PCDH8: variants seen among roughly 807,000 people sequenced by gnomAD.
The protein encoded by PCDH8 is protocadherin 8.
PCDH8 carries 36 observed loss-of-function variants against 58.2 expected under a neutral mutation model. That is an observed-to-expected ratio of 0.62 (90% confidence interval 0.47 to 0.82). PCDH8 has a LOEUF of 0.82. PCDH8 is among the 40% of genes least tolerant of loss of function. The pLI is 0.00. For missense variants in PCDH8, 1,493 were observed against 1,567.8 expected (o/e 0.95, Z 0.81); for synonymous variants, 775 against 728.9 (o/e 1.06, Z -1.02).
In PCDH8 at chr13:52,847,839, G is replaced by T; in HGVS notation, c.598C>A (p.Leu200Met). Residue 200 changes from leucine (L) to methionine (M), a missense_variant, in exon 1 of 3, where the codon CTG (leucine) becomes ATG (methionine). Physicochemically the swap from Leu to Met is conservative, Grantham distance 15. Coordinates refer to ENST00000377942, the MANE Select transcript of PCDH8 (RefSeq NM_002590.4). ...TGGCTCTCGCGGTCCAGCTCCTGCA[G>T]CAGCACCAGGTCTGCGCACTGAGCG... is the stretch of plus-strand genomic sequence containing the variant. ...DGAQCADLVL[L>M]QELDRESQAA... 6.7e-7 allele frequency: 1 copy of T among 1,499,706 alleles called. No individual in the cohort carries two copies. Among genetic ancestry groups the T allele is most frequent in the Non-Finnish European group, 8.8e-7 (1 of 1,130,450 alleles). 92.9% of individuals were successfully genotyped at this position (1,499,706 alleles called of 1,614,324 possible).
At position 52,846,004 on chromosome 13, in the gene PCDH8, TC is replaced by T. The variant is rs1566264609; in HGVS notation, c.2432del (p.Gly811GlufsTer126). ...CGAACATGTTGGGCCTGGGCCCGGC[TC>T]CCCGGGCGGCCTCCTCCGGGGAGCC... ...APGSPEEAAR[G>X]AGPRPNMFDV... On this transcript the variant is annotated frameshift_variant, in exon 1 of 3. Coordinates refer to ENST00000377942, the MANE Select transcript of PCDH8 (RefSeq NM_002590.4). LOFTEE classifies it high-confidence loss of function. 1 of 1,469,356 alleles carries T rather than the reference TC, an allele frequency of 6.8e-7. No individual in the cohort carries two copies. Among genetic ancestry groups the T allele is most frequent in the South Asian group, 1.4e-5 (1 of 73,978 alleles). The allele number at this position is 1,469,356 out of a possible 1,614,324, so 91.0% of individuals were successfully genotyped here. A position where few individuals can be genotyped will look rare whatever the true frequency, so the allele number is the denominator to read the frequency against.
chr13:52,847,014 G>A lies in PCDH8; in HGVS notation c.1423C>T (p.Pro475Ser). 1.3e-6 allele frequency: 2 copies of A among 1,568,482 alleles called. No individual in the cohort carries two copies. Among genetic ancestry groups the A allele is most frequent in the Non-Finnish European group, 1.7e-6 (2 of 1,161,130 alleles). Residue 475 changes from proline to serine, a missense_variant, in exon 1 of 3, where the codon CCC (proline) becomes TCC (serine). Around this residue, in one of 3 missense-constraint regions of PCDH8, gnomAD observed 1,307 missense variants for 1,362.7 expected, o/e 0.96. Transcript: ENST00000377942. ...LTLVAEDRGA[P>S]PLRTVRPYTV... is the part of the protein sequence containing the mutation. ...TAGGGCCGCACTGTGCGCAGCGGGG[G>A]CGCGCCGCGATCCTCGGCCACCAGC...
At position 52,846,773 on chromosome 13, in the gene PCDH8, T is replaced by C. The variant is rs1291575495; in HGVS notation, c.1664A>G (p.Asp555Gly). ...CGCGTAGATGGCTCCGGTAGCTGGG[T>C]CCACCGAGACATAAGTGGACACGGC... ...GGAVSTYVSV[D>G]PATGAIYALR... Residue 555 changes from aspartate (D) to glycine (G), a missense_variant, in exon 1 of 3, where the codon GAC becomes GGC. Asp to Gly is a moderately conservative substitution (Grantham distance 94). Coordinates refer to ENST00000377942, the MANE Select transcript of PCDH8 (RefSeq NM_002590.4). 13 of 1,570,916 alleles carry C rather than the reference T, an allele frequency of 8.3e-6. No individual in the cohort carries two copies. The African/African-American group carries it at 1.8e-4, about 21-fold the overall frequency.
rs1017907190 is a variant in PCDH8 at position 52,846,001 on chromosome 13, G to C, written c.2436C>G (p.Ala812=). The change falls in exon 1 of 3, where the codon GCC becomes GCG. Residue 812 remains alanine (A), a synonymous_variant. Coordinates refer to ENST00000377942, the MANE Select transcript of PCDH8 (RefSeq NM_002590.4). ...CGTCGAACATGTTGGGCCTGGGCCC[G>C]GCTCCCCGGGCGGCCTCCTCCGGGG... is the stretch of plus-strand genomic sequence containing the variant. The part of the protein sequence containing the change: ...PGSPEEAARG[A]GPRPNMFDVL... The C allele has an allele frequency of 6.8e-7, 1 of 1,467,678 alleles. No homozygotes were observed. The highest frequency in any genetic ancestry group is 8.9e-7 in the Non-Finnish European group (1 of 1,125,124). The allele number at this position is 1,467,678 out of a possible 1,614,324, so 90.9% of individuals were successfully genotyped here.
chr13:52,847,712 C>T lies in PCDH8; in HGVS notation c.725G>A (p.Ser242Asn). The T allele has an allele frequency of 1.3e-6, 2 of 1,537,432 alleles. No homozygotes were observed. The highest frequency in any genetic ancestry group is 1.7e-6 in the Non-Finnish European group (2 of 1,150,538). Reference sequence around the variant, plus strand: ...CACGGCGCCCTGCGGGAAGGCCGGGCTGTGGTCATTCGCATCCAGGACGCG... The same window carrying T: ...CACGGCGCCCTGCGGGAAGGCCGGGTTGTGGTCATTCGCATCCAGGACGCG... ...SVRVLDANDH[S>N]PAFPQGAVAE... Residue 242 changes from serine to asparagine, a missense_variant, in exon 1 of 3, where the codon AGC becomes AAC. Physicochemically the swap from Ser to Asn is conservative, Grantham distance 46. This residue lies in a region of PCDH8 where 1,307 missense variants were observed against 1,362.7 expected (regional missense o/e 0.96). Coordinates refer to ENST00000377942, the MANE Select transcript of PCDH8 (RefSeq NM_002590.4).
In PCDH8 at chr13:52,844,642, A is replaced by C. The variant is rs746599423; in HGVS notation, c.3131T>G (p.Leu1044Arg). Residue 1044 changes from leucine to arginine, a missense_variant, in exon 3 of 3, where the codon CTG (leucine) becomes CGG (arginine). Transcript: ENST00000377942. Reference sequence around the variant, plus strand: ...GTAGAGGGGTACTCCAATCTCCTGCAGGTCTGGGAGCCTCCCTGGACGGGG... The same window carrying C: ...GTAGAGGGGTACTCCAATCTCCTGCCGGTCTGGGAGCCTCCCTGGACGGGG... ...SPPRPGRLPDLQEIGVPLYQS... is the reference protein window; with the variant it reads ...SPPRPGRLPDRQEIGVPLYQS... The C allele has an allele frequency of 6.2e-7, 1 of 1,613,880 alleles. No individual in the cohort carries two copies. Among genetic ancestry groups the C allele is most frequent in the Non-Finnish European group, 8.5e-7 (1 of 1,179,810 alleles).
At position 52,847,980 on chromosome 13, in the gene PCDH8, G is replaced by A. The variant is rs1965772071; in HGVS notation, c.457C>T (p.Arg153Cys). The A allele has an allele frequency of 6.2e-7, 1 of 1,610,002 alleles. No individual in the cohort carries two copies. Among genetic ancestry groups the A allele is most frequent in the South Asian group, 1.1e-5 (1 of 91,022 alleles). Residue 153 changes from arginine to cysteine, a missense_variant, in exon 1 of 3, where the codon CGC becomes TGC. Arg to Cys is a radical substitution (Grantham distance 180). This residue lies in a region of PCDH8 where 1,307 missense variants were observed against 1,362.7 expected (regional missense o/e 0.96). Transcript: ENST00000377942. ...TCCACCGGCACCTCCAAGGGGATGCGCGTGCCCACTGCCGCACCCTCGGAC... is the reference window on the plus strand; with the variant it reads ...TCCACCGGCACCTCCAAGGGGATGCACGTGCCCACTGCCGCACCCTCGGAC... ...EVSEGAAVGT[R>C]IPLEVPVDED...
At position 52,846,357 on chromosome 13, in the gene PCDH8, C is replaced by A; in HGVS notation, c.2080G>T (p.Asp694Tyr). Residue 694 changes from aspartate (D) to tyrosine (Y), a missense_variant, in exon 1 of 3, where the codon GAC becomes TAC. Asp to Tyr is a radical substitution (Grantham distance 160). Transcript: ENST00000377942. ...GTGGTGAGCGGGGGACGGCCGCCGT[C>A]GGATATGACCAGGAGCGCCCTGAAC... ...RVFRALLVIS[D>Y]GGRPPLTTTA... The A allele has an allele frequency of 6.4e-7, 1 of 1,569,522 alleles. No individual in the cohort carries two copies. The highest frequency in any genetic ancestry group is 8.6e-7 in the Non-Finnish European group (1 of 1,159,260).
rs1965773163 is a variant in PCDH8, at chr13:52,848,043, C to T, written c.394G>A (p.Ala132Thr). The T allele has an allele frequency of 2.5e-6, 4 of 1,611,706 alleles. No individual in the cohort carries two copies. Among genetic ancestry groups the T allele is most frequent in the African/African-American group, 1.3e-5 (1 of 74,914 alleles). ...ATCTGGGCCCTGGGGAAGCGCGGCG[C>T]GTGGTCGTTGACGTCCCTCACCTCT... is the stretch of plus-strand genomic sequence containing the variant. ...EVEVRDVNDH[A>T]PRFPRAQIPV... The change falls in exon 1 of 3, where the codon GCG becomes ACG. Residue 132 changes from alanine to threonine, a missense_variant. This residue lies in a region of PCDH8 where 1,307 missense variants were observed against 1,362.7 expected (regional missense o/e 0.96). Transcript: ENST00000377942.
Position 52,848,408 on chromosome 13 carries a change from G to A in PCDH8, c.29C>T (p.Pro10Leu). Residue 10 changes from proline (P) to leucine (L), a missense_variant, in exon 1 of 3, where the codon CCC becomes CTC. Pro to Leu is a moderately conservative substitution (Grantham distance 98). Around this residue, in one of 3 missense-constraint regions of PCDH8, gnomAD observed 1,307 missense variants for 1,362.7 expected, o/e 0.96. Coordinates refer to ENST00000377942, the MANE Select transcript of PCDH8 (RefSeq NM_002590.4). MSPVRRWGS[P>L]CLFPLQLFSL... is the part of the protein sequence containing the mutation. ...GAAGAGCTGCAAGGGGAAAAGGCAGGGGCTGCCCCAACGCCTCACAGGACT... is the reference window on the plus strand; with the variant it reads ...GAAGAGCTGCAAGGGGAAAAGGCAGAGGCTGCCCCAACGCCTCACAGGACT... The A allele has an allele frequency of 6.2e-7, 1 of 1,608,774 alleles. No homozygotes were observed. The highest frequency in any genetic ancestry group is 8.5e-7 in the Non-Finnish European group (1 of 1,179,124).
chr13:52,848,047 G>C lies in PCDH8; in HGVS notation c.390C>G (p.Asp130Glu). ...GGGCCCTGGGGAAGCGCGGCGCGTG[G>C]TCGTTGACGTCCCTCACCTCTACCT... The part of the protein sequence containing the change: ...HVEVEVRDVN[D>E]HAPRFPRAQI... Residue 130 changes from aspartate (D) to glutamate (E), a missense_variant, in exon 1 of 3, where the codon GAC becomes GAG. Transcript: ENST00000377942. 6.2e-7 allele frequency: 1 copy of C among 1,612,042 alleles called. No individual in the cohort carries two copies. Among genetic ancestry groups the C allele is most frequent in the South Asian group, 1.1e-5 (1 of 91,042 alleles).
Position 52,847,384 on chromosome 13 carries a change from T to C in PCDH8, c.1053A>G (p.Ala351=). Residue 351 remains alanine, a synonymous_variant, in exon 1 of 3, where the codon GCA becomes GCG. Transcript: ENST00000377942. The part of the protein sequence containing the change: ...IVRIRDVNDN[A]PDIAITPLAA... ...CCAGCGGGGTGATGGCGATGTCGGG[T>C]GCGTTGTCATTGACGTCTCGGATGC... 2 of 1,539,112 alleles carry C rather than the reference T, an allele frequency of 1.3e-6. No homozygotes were observed. The highest frequency in any genetic ancestry group is 1.7e-6 in the Non-Finnish European group (2 of 1,150,158).
In PCDH8 at chr13:52,846,379, G is replaced by C. The variant is rs1250717970; in HGVS notation, c.2058C>G (p.Phe686Leu). Residue 686 changes from phenylalanine (F) to leucine (L), a missense_variant, in exon 1 of 3, where the codon TTC (phenylalanine) becomes TTG (leucine). Transcript: ENST00000377942. ...DLSQEPPGRV[F>L]RALLVISDGG... Reference sequence around the variant, plus strand: ...CGTCGGATATGACCAGGAGCGCCCTGAACACGCGACCGGGTGGCTCCTGCG... The same window carrying C: ...CGTCGGATATGACCAGGAGCGCCCTCAACACGCGACCGGGTGGCTCCTGCG... 2.1e-5 allele frequency: 34 copies of C among 1,590,050 alleles called. No individual in the cohort carries two copies. Among genetic ancestry groups the C allele is most frequent in the Non-Finnish European group, 2.9e-5 (34 of 1,170,960 alleles).
chr13:52,848,365 G>C lies in PCDH8; in HGVS notation c.72C>G (p.Leu24=), dbSNP rs1188497773. The part of the protein sequence containing the change: ...PLQLFSLCWV[L]SVAQSKTVRY... ...GGACTGTTTTGCTCTGGGCCACTGAGAGCACCCAGCAGAGGCTGAAGAGCT... is the reference window on the plus strand; with the variant it reads ...GGACTGTTTTGCTCTGGGCCACTGACAGCACCCAGCAGAGGCTGAAGAGCT... Residue 24 remains leucine (L), a synonymous_variant, in exon 1 of 3, where the codon CTC becomes CTG. Coordinates refer to ENST00000377942, the MANE Select transcript of PCDH8 (RefSeq NM_002590.4). The C allele has an allele frequency of 1.2e-6, 2 of 1,612,626 alleles. No homozygotes were observed. Among genetic ancestry groups the C allele is most frequent in the Non-Finnish European group, 1.7e-6 (2 of 1,180,040 alleles).
chr13:52,847,248 C>T lies in PCDH8; in HGVS notation c.1189G>A (p.Ala397Thr). 1 of 1,383,810 alleles carries T rather than the reference C, an allele frequency of 7.2e-7. No homozygotes were observed. The highest frequency in any genetic ancestry group is 9.3e-7 in the Non-Finnish European group (1 of 1,075,742). The allele number at this position is 1,383,810 out of a possible 1,614,324, so 85.7% of individuals were successfully genotyped here. A position where few individuals can be genotyped will look rare whatever the true frequency, so the allele number is the denominator to read the frequency against. Reference protein sequence around the residue: ...PAGAGTPEAGATSLVPEGAAR... With the variant: ...PAGAGTPEAGTTSLVPEGAAR... ...GCCCCCTCCGGCACCAGCGAAGTGG[C>T]ACCAGCCTCCGGCGTCCCGGCTCCC... Residue 397 changes from alanine (A) to threonine (T), a missense_variant, in exon 1 of 3, where the codon GCC becomes ACC. Physicochemically the swap from Ala to Thr is moderately conservative, Grantham distance 58. Coordinates refer to ENST00000377942, the MANE Select transcript of PCDH8 (RefSeq NM_002590.4).
intron 1 of PCDH8, 21 bp downstream of exon 1, chr13:52,845,785 C>G: frequency 2.0e-6 from 3 of 1,496,850 alleles, no homozygotes; most frequent in South Asian, 1.3e-5. Flanking sequence ...AGGGGGGCGC[C>G]CAGCCGAAGG....
chr13:52,844,438 G>T lies in PCDH8; in HGVS notation c.*122C>A, dbSNP rs1965697678. The stretch of plus-strand genomic sequence containing the variant: ...AACAGTACCAATGTGATTGGAAATA[G>T]CTTCCAACAACTTCATTGTAAGGCA... On this transcript the variant is annotated 3_prime_UTR_variant, in exon 3 of 3. Transcript: ENST00000377942. 2 of 773,066 alleles carry T rather than the reference G, an allele frequency of 2.6e-6. No individual in the cohort carries two copies. Among genetic ancestry groups the T allele is most frequent in the South Asian group, 2.6e-5 (1 of 38,806 alleles). 47.9% of individuals were successfully genotyped at this position (773,066 alleles called of 1,614,324 possible). A position where few individuals can be genotyped will look rare whatever the true frequency, so the allele number is the denominator to read the frequency against.
At position 52,848,616 on chromosome 13, in the gene PCDH8, C is replaced by A. The variant is rs905304959; in HGVS notation, c.-180G>T. 4.1e-6 allele frequency: 5 copies of A among 1,228,100 alleles called. No homozygotes were observed. The highest frequency in any genetic ancestry group is 5.4e-6 in the Non-Finnish European group (5 of 925,688). The allele number at this position is 1,228,100 out of a possible 1,614,324, so 76.1% of individuals were successfully genotyped here. On this transcript the variant is annotated 5_prime_UTR_variant, in exon 1 of 3. Coordinates refer to ENST00000377942, the MANE Select transcript of PCDH8 (RefSeq NM_002590.4). ...GACGCGCGGACCCGCCCTCACTCTG[C>A]GCCTCTCCGTCTCTTACAGAAGCTG...
chr13:52,844,515 C>A lies in PCDH8; in HGVS notation c.*45G>T. ...CTGAAACCGGTCAATAACTTAGGGG[C>A]TTCTCGGAGTGACCTGTATATGTGT... is the stretch of plus-strand genomic sequence containing the variant. On this transcript the variant is annotated 3_prime_UTR_variant, in exon 3 of 3. Coordinates refer to ENST00000377942, the MANE Select transcript of PCDH8 (RefSeq NM_002590.4). The A allele has an allele frequency of 6.7e-7, 1 of 1,490,450 alleles. No individual in the cohort carries two copies. The highest frequency in any genetic ancestry group is 9.0e-7 in the Non-Finnish European group (1 of 1,114,282). The allele number at this position is 1,490,450 out of a possible 1,614,324, so 92.3% of individuals were successfully genotyped here. A position where few individuals can be genotyped will look rare whatever the true frequency, so the allele number is the denominator to read the frequency against.
Sources: gnomAD v4.1 joint callset for allele counts on GRCh38, gnomAD v4.1.1 for gene constraint, gnomAD v4.1.1 regional missense constraint, MANE v1.5 for transcripts, NCBI Gene and HGNC (gene_info 2026-07-23, HGNC 2026-07-21) for gene names.